PLEKHM3: variants seen among roughly 807,000 people sequenced by gnomAD.
PLEKHM3 encodes pleckstrin homology domain containing M3.
PLEKHM3 carries 45 observed loss-of-function variants against 81.8 expected under a neutral mutation model. That is an observed-to-expected ratio of 0.55 (90% CI 0.43 to 0.71). The LOEUF is 0.71. PLEKHM3 is among the 30% of genes least tolerant of loss of function. The probability of loss-of-function intolerance (pLI) is 0.00; values close to 1 mark genes in which losing one functional copy is unlikely to be tolerated. For missense variants in PLEKHM3, 788 were observed against 924.3 expected, an observed-to-expected ratio of 0.85 and a Z score of 1.91; for synonymous variants, 352 against 356.4, an observed-to-expected ratio of 0.99 and a Z score of 0.14.
chr2:207,917,559 C>G (rs1290511033), intron 5 of PLEKHM3, among the ~76,000 whole-genome samples: 1 of 149,348 alleles, frequency 6.7e-6, no homozygotes, highest in Non-Finnish European at 1.5e-5. Context: ...TTAGGCTGCC[C>G]TGGCCAGGCA....
intron 7 of PLEKHM3, among the ~76,000 whole-genome samples, chr2:207,859,916 G>A (rs2092458032): frequency 6.6e-6 from 1 of 152,064 alleles, no homozygotes. Context: ...TTTTTTAGAG[G>A]TAACTAATCT....
At chr2:207,927,002 T>C (rs1277969506) in intron 5 of PLEKHM3, among the ~76,000 whole-genome samples, 1 of 152,224 alleles carries the variant, frequency 6.6e-6, no homozygotes, top group Non-Finnish European at 1.5e-5. Context: ...TTCGGCATGT[T>C]GCGCCTACTT....
intron 6 of PLEKHM3, among the ~76,000 whole-genome samples, chr2:207,904,020 T>G (rs1688525318): frequency 6.6e-6 from 1 of 152,190 alleles, no homozygotes; most frequent in South Asian, 2.1e-4. Flanking sequence ...GGAAAAGCTC[T>G]TAAAAAGCAG....
chr2:207,956,702 C>T (rs1390334240), intron 3 of PLEKHM3, among the ~76,000 whole-genome samples: 1 of 143,042 alleles, frequency 7.0e-6, no homozygotes, highest in East Asian at 2.0e-4. Context: ...CATGCCACCA[C>T]ACCTGGCTGA....
At chr2:207,981,216 T>C (rs1253816630) in intron 2 of PLEKHM3, among the ~76,000 whole-genome samples, 1 of 152,080 alleles carries the variant, frequency 6.6e-6, no homozygotes, top group Non-Finnish European at 1.5e-5. Context: ...TATCCATTCC[T>C]CTCTGGAGGA....
intron 5 of PLEKHM3, among the ~76,000 whole-genome samples, chr2:207,928,995 A>C (rs1345397363): frequency 6.6e-6 from 1 of 152,240 alleles, no homozygotes; most frequent in Non-Finnish European, 1.5e-5. Context: ...TCCCTCCCCA[A>C]AACTGAGCTA....
chr2:208,022,194 G>T (rs973058271), intron 1 of PLEKHM3, among the ~76,000 whole-genome samples: 1 of 152,190 alleles, frequency 6.6e-6, no homozygotes. Flanking sequence ...ACTAACTGTT[G>T]AGGAGGATTT....
intron 3 of PLEKHM3, among the ~76,000 whole-genome samples, chr2:207,961,942 C>T (rs1690749356): frequency 6.6e-6 from 1 of 152,198 alleles, no homozygotes; most frequent in African/African-American, 2.4e-5. Context: ...TCCATTTTTG[C>T]TGTGGAAATG....
At chr2:207,940,458 G>C (rs1303479947) in intron 4 of PLEKHM3, among the ~76,000 whole-genome samples, 1 of 152,102 alleles carries the variant, frequency 6.6e-6, no homozygotes, top group African/African-American at 2.4e-5. Flanking sequence ...TTACATATGA[G>C]GAAACTGACA....
chr2:207,931,811 AAAAATACAG>A (rs1689608416), intron 4 of PLEKHM3, among the ~76,000 whole-genome samples: 1 of 152,152 alleles, frequency 6.6e-6, no homozygotes, highest in South Asian at 2.1e-4. Flanking sequence ...CGTCTCTACT[AAAAATACAG>A]AAATTAGCCA....
chr2:207,939,877 G>C (rs867534173), intron 4 of PLEKHM3, among the ~76,000 whole-genome samples: 6 of 152,188 alleles, frequency 3.9e-5, no homozygotes, highest in Non-Finnish European at 5.9e-5. Context: ...GGCCTCAGGA[G>C]CTAAAATAAA....
chr2:207,849,827 T>C (rs2092402722), intron 7 of PLEKHM3, among the ~76,000 whole-genome samples: 1 of 152,258 alleles, frequency 6.6e-6, no homozygotes, highest in Admixed American at 6.5e-5. Flanking sequence ...TATGAATGCA[T>C]ATATACTTAG....
At chr2:207,859,632 G>A (rs563772229) in intron 7 of PLEKHM3, among the ~76,000 whole-genome samples, 8 of 148,044 alleles carry the variant, frequency 5.4e-5, no homozygotes, top group Non-Finnish European at 1.2e-4. Context: ...GAGTCTTGCT[G>A]TGTTGCCCAG....
At chr2:207,939,046 T>C (rs1286122034) in intron 4 of PLEKHM3, among the ~76,000 whole-genome samples, 1 of 152,186 alleles carries the variant, frequency 6.6e-6, no homozygotes, top group Middle Eastern at 3.2e-3. Flanking sequence ...TGGTGGCAAG[T>C]GCCACACGCC....
At chr2:207,831,116 A>G (rs920430737) in intron 7 of PLEKHM3, among the ~76,000 whole-genome samples, 3 of 152,210 alleles carry the variant, frequency 2.0e-5, no homozygotes, top group Admixed American at 2.0e-4. Flanking sequence ...TGCTTAGTGA[A>G]CAGCAAGGAC....
chr2:207,938,509 A>C (rs1291393659), intron 4 of PLEKHM3, among the ~76,000 whole-genome samples: 1 of 152,230 alleles, frequency 6.6e-6, no homozygotes, highest in Non-Finnish European at 1.5e-5. Context: ...ATCTAACAGA[A>C]CGATGTCTGG....
chr2:207,870,975 G>A (rs1347778941), intron 6 of PLEKHM3, among the ~76,000 whole-genome samples: 4 of 152,074 alleles, frequency 2.6e-5, no homozygotes, highest in African/African-American at 7.2e-5. Context: ...GATTGCAGTG[G>A]TATGCACCTG....
At chr2:207,994,958 G>C (rs1220778267) in intron 2 of PLEKHM3, among the ~76,000 whole-genome samples, 2 of 152,046 alleles carry the variant, frequency 1.3e-5, no homozygotes, top group African/African-American at 4.8e-5. Flanking sequence ...TAAAAAATGG[G>C]CCAAACACGT....
chr2:207,862,284 T>G (rs924643376), intron 6 of PLEKHM3, among the ~76,000 whole-genome samples: 2 of 152,220 alleles, frequency 1.3e-5, no homozygotes, highest in African/African-American at 4.8e-5. Flanking sequence ...TAGCTAGAAA[T>G]AGCTGAAAAT....
Sources: allele counts gnomAD v4.1 joint callset (sites outside exome capture counted in the v4.1 genomes callset), GRCh38; gene constraint gnomAD v4.1.1; transcripts MANE v1.5; gene names NCBI Gene and HGNC (gene_info 2026-07-23, HGNC 2026-07-21).